Variants in PLPP1 observed in about 807,000 individuals in gnomAD.
PLPP1 encodes the protein phospholipid phosphatase 1.
Under a neutral mutation model 31.2 loss-of-function variants are expected in PLPP1, and 24 were observed. The observed-to-expected ratio is 0.77, with a 90% CI of 0.56 to 1.08. PLPP1 has a LOEUF of 1.08. Among genes scored for constraint, PLPP1 ranks in the 50% least tolerant of loss-of-function variants. The probability of loss-of-function intolerance (pLI) is 0.00; values close to 1 mark genes in which losing one functional copy is unlikely to be tolerated. For missense variants in PLPP1, 319 were observed against 342.7 expected, an observed-to-expected ratio of 0.93 and a Z score of 0.55; for synonymous variants, 146 against 126.3, an observed-to-expected ratio of 1.16 and a Z score of -1.05.
chr5:55,511,837 T>A (rs1455590569), intron 1 of PLPP1, among the ~76,000 whole-genome samples: 3 of 151,218 alleles, frequency 2.0e-5, no homozygotes, highest in Non-Finnish European at 4.4e-5. Context: ...CTAATTTTTT[T>A]TTTTTTTATT....
chr5:55,455,466 A>G (rs1751985825), intron 3 of PLPP1, among the ~76,000 whole-genome samples: 1 of 152,038 alleles, frequency 6.6e-6, no homozygotes, highest in African/African-American at 2.4e-5. Flanking sequence ...TGGTGGCTAC[A>G]CCAACAGCAC....
intron 3 of PLPP1, among the ~76,000 whole-genome samples, chr5:55,448,406 CAACACTGCCGGA>C (rs1462093293): frequency 2.0e-5 from 3 of 150,270 alleles, no homozygotes; most frequent in African/African-American, 7.3e-5. Context: ...ACGTTTACTG[CAACACTGCCGGA>C]AACTCAAGGA....
At chr5:55,530,569 G>C in intron 1 of PLPP1, 2 of 1,293,780 alleles carry the variant, frequency 1.5e-6, no homozygotes, top group Middle Eastern at 2.2e-4. Flanking sequence ...TATTCATCCT[G>C]ATACTTCTTA....
At chr5:55,521,565 C>T (rs1753669017) in intron 1 of PLPP1, among the ~76,000 whole-genome samples, 1 of 152,076 alleles carries the variant, frequency 6.6e-6, no homozygotes, top group African/African-American at 2.4e-5. Flanking sequence ...AAATACCTGC[C>T]TATCTCACCT....
At chr5:55,530,148 T>C in intron 1 of PLPP1, 1 of 1,243,404 alleles carries the variant, frequency 8.0e-7, no homozygotes, top group African/African-American at 1.5e-5. Context: ...CAGAGATGTC[T>C]ACAGCCTTCA....
At chr5:55,499,906 C>CAT (rs1429755016) in intron 1 of PLPP1, among the ~76,000 whole-genome samples, 1 of 151,498 alleles carries the variant, frequency 6.6e-6, no homozygotes, top group East Asian at 1.9e-4. Flanking sequence ...TTATATTTCA[C>CAT]ATATATATTT....
At chr5:55,456,319 G>C (rs189749338) in intron 3 of PLPP1, among the ~76,000 whole-genome samples, 2 of 152,116 alleles carry the variant, frequency 1.3e-5, no homozygotes, top group Admixed American at 6.6e-5. Context: ...GAATGGCGGG[G>C]AGAAAAGAGA....
intron 1 of PLPP1, among the ~76,000 whole-genome samples, chr5:55,523,496 T>C (rs1207415320): frequency 6.6e-6 from 1 of 152,082 alleles, no homozygotes; most frequent in African/African-American, 2.4e-5. Context: ...CTTGGGTGAG[T>C]TTCCCAACTT....
intron 1 of PLPP1, among the ~76,000 whole-genome samples, chr5:55,506,189 T>A (rs966595080): frequency 6.6e-6 from 1 of 150,602 alleles, no homozygotes; most frequent in East Asian, 1.9e-4. Context: ...TGCCTTTTTT[T>A]AAACAGGCTG....
chr5:55,474,927 G>GT (rs200581100), intron 2 of PLPP1, among the ~76,000 whole-genome samples: 14 of 151,746 alleles, frequency 9.2e-5, no homozygotes, highest in East Asian at 5.8e-4. Flanking sequence ...TTCTTTTCGT[G>GT]TTTTTTTTCT....
At chr5:55,465,920 T>C (rs1399603143) in intron 3 of PLPP1, among the ~76,000 whole-genome samples, 2 of 151,976 alleles carry the variant, frequency 1.3e-5, no homozygotes, top group Non-Finnish European at 2.9e-5. Context: ...AGGCTTTCCC[T>C]AGGATACTGC....
intron 1 of PLPP1, among the ~76,000 whole-genome samples, chr5:55,478,440 A>AG (rs1256141426): frequency 6.6e-6 from 1 of 152,196 alleles, no homozygotes; most frequent in Admixed American, 6.6e-5. Flanking sequence ...TCGAAAGAAA[A>AG]GGAGAGTTGG....
At chr5:55,483,057 C>G (rs1752702836) in intron 1 of PLPP1, among the ~76,000 whole-genome samples, 2 of 152,068 alleles carry the variant, frequency 1.3e-5, no homozygotes, top group Non-Finnish European at 2.9e-5. Flanking sequence ...CACAACAATT[C>G]AACCCAAAAA....
intron 1 of PLPP1, among the ~76,000 whole-genome samples, chr5:55,500,050 A>G (rs1252905294): frequency 6.6e-6 from 1 of 150,530 alleles, no homozygotes; most frequent in Non-Finnish European, 1.5e-5. Flanking sequence ...AAAACATCAT[A>G]TATGGTATAA....
At chr5:55,457,759 G>C (rs879541191) in intron 3 of PLPP1, among the ~76,000 whole-genome samples, 5 of 151,942 alleles carry the variant, frequency 3.3e-5, no homozygotes, top group African/African-American at 7.3e-5. Context: ...CGTGGTGGCG[G>C]GCGCCTGTAG....
At chr5:55,511,027 A>G (rs1315353590) in intron 1 of PLPP1, among the ~76,000 whole-genome samples, 2 of 152,194 alleles carry the variant, frequency 1.3e-5, no homozygotes, top group African/African-American at 2.4e-5. Context: ...GACCTTATAC[A>G]TATATAAACC....
chr5:55,475,980 C>CTT (rs34891567), intron 1 of PLPP1, among the ~76,000 whole-genome samples: 5,838 of 139,016 alleles, frequency 0.042, 278 homozygotes, highest in Admixed American at 0.14. Context: ...CTTAAAGTTT[C>CTT]TTTTTTTTTT....
intron 4 of PLPP1, among the ~76,000 whole-genome samples, chr5:55,429,690 C>T (rs1329195703): frequency 6.6e-6 from 1 of 152,076 alleles, no homozygotes; most frequent in African/African-American, 2.4e-5. Context: ...GGCCCAACAG[C>T]CCCTGCATAT....
chr5:55,530,836 G>GGGCAGTAGGATGT, intron 1 of PLPP1: 1 of 1,254,976 alleles, frequency 8.0e-7, no homozygotes, highest in Non-Finnish European at 1.2e-6. Flanking sequence ...CTGACAGACG[G>GGGCAGTAGGATGT]GGCAGTAGGA....
Sources: gnomAD v4.1 joint callset for allele counts (sites outside exome capture counted in the v4.1 genomes callset) on GRCh38, gnomAD v4.1.1 for gene constraint, MANE v1.5 for transcripts, NCBI Gene and HGNC (gene_info 2026-07-23, HGNC 2026-07-21) for gene names.